The following GPR39 variants were observed in gnomAD, a reference collection of about 807,000 sequenced individuals.
GPR39 encodes zinc sensing receptor.
In GPR39, 23 loss-of-function variants were observed where a neutral mutation model predicts 18.4. That is an observed-to-expected ratio of 1.25 (90% confidence interval 0.90 to 1.77). GPR39 has a LOEUF of 1.77. Ranked by LOEUF, GPR39 falls within the 40% of genes most tolerant of loss-of-function variation. The pLI is 0.00. For missense variants in GPR39, 647 were observed against 602.4 expected (o/e 1.07, Z -0.78); for synonymous variants, 280 against 257.9 (o/e 1.09, Z -0.82).
At chr2:132,510,881 T>C (rs749276097) in intron 1 of GPR39, among the ~76,000 whole-genome samples, 1 of 152,214 alleles carries the variant, frequency 6.6e-6, no homozygotes, top group Non-Finnish European at 1.5e-5. Context: ...GTACGTAGTA[T>C]ATAAGGATAG....
chr2:132,637,767 C>T (rs78173013), intron 1 of GPR39, among the ~76,000 whole-genome samples: 5,046 of 152,270 alleles, frequency 0.033, 254 homozygotes, highest in African/African-American at 0.12. Context: ...CAACTGCATC[C>T]CATCCATGCC....
chr2:132,460,587 C>T (rs1680813026), intron 1 of GPR39, among the ~76,000 whole-genome samples: 1 of 152,082 alleles, frequency 6.6e-6, no homozygotes, highest in Non-Finnish European at 1.5e-5. Flanking sequence ...GTAGGAGACT[C>T]AGTGGAACAA....
intron 1 of GPR39, among the ~76,000 whole-genome samples, chr2:132,430,372 G>T (rs1680203902): frequency 6.6e-6 from 1 of 152,184 alleles, no homozygotes; most frequent in South Asian, 2.1e-4. Context: ...AGGCAGGCTG[G>T]GGGTGGCTGG....
At position 132,646,022 on chromosome 2, in the gene GPR39, A is replaced by G; in HGVS notation, c.*416A>G. The G allele has an allele frequency of 6.7e-7, 1 of 1,499,232 alleles. No individual in the cohort carries two copies. Among genetic ancestry groups the G allele is most frequent in the Non-Finnish European group, 9.0e-7 (1 of 1,112,888 alleles). 92.9% of individuals were successfully genotyped at this position (1,499,232 alleles called of 1,614,324 possible). A position where few individuals can be genotyped will look rare whatever the true frequency, so the allele number is the denominator to read the frequency against. On this transcript the variant is annotated 3_prime_UTR_variant, in exon 2 of 2. Transcript: ENST00000329321. ...GCGAGGGCTGGAAGAACAATGCAGG[A>G]GGGGGTGGCATCTCCTTCAGCTTCA...
intron 1 of GPR39, among the ~76,000 whole-genome samples, chr2:132,534,710 A>G (rs959412573): frequency 6.6e-6 from 1 of 151,992 alleles, no homozygotes; most frequent in African/African-American, 2.4e-5. Flanking sequence ...GAAGCTGGAA[A>G]CCATCATTCT....
chr2:132,591,271 AAAAAAAC>A (rs1180004510), intron 1 of GPR39, among the ~76,000 whole-genome samples: 1 of 122,800 alleles, frequency 8.1e-6, no homozygotes, highest in Non-Finnish European at 1.6e-5. Context: ...AAAAAAAAAA[AAAAAAAC>A]AAAAAAAAAC....
At chr2:132,606,906 A>G (rs1235163202) in intron 1 of GPR39, among the ~76,000 whole-genome samples, 3 of 152,170 alleles carry the variant, frequency 2.0e-5, no homozygotes, top group Admixed American at 6.5e-5. Context: ...GCCCCTAACC[A>G]AGGGAGAAGT....
intron 1 of GPR39, among the ~76,000 whole-genome samples, chr2:132,585,953 T>TTTTG (rs1680719885): frequency 7.3e-6 from 1 of 136,988 alleles, no homozygotes; most frequent in Non-Finnish European, 1.6e-5. Flanking sequence ...CCCCGGTTTT[T>TTTTG]TTTTTTTTTT....
chr2:132,436,475 T>C (rs1172902450), intron 1 of GPR39, among the ~76,000 whole-genome samples: 1 of 152,160 alleles, frequency 6.6e-6, no homozygotes, highest in Non-Finnish European at 1.5e-5. Flanking sequence ...TGAGGCCCAT[T>C]AAAACTCGAG....
At chr2:132,532,695 G>A (rs1387806266) in intron 1 of GPR39, among the ~76,000 whole-genome samples, 2 of 152,134 alleles carry the variant, frequency 1.3e-5, no homozygotes, top group African/African-American at 2.4e-5. Context: ...TTCAACATAC[G>A]AAAATCAATA....
At chr2:132,534,241 T>C (rs982041794) in intron 1 of GPR39, among the ~76,000 whole-genome samples, 18 of 151,970 alleles carry the variant, frequency 1.2e-4, no homozygotes, top group African/African-American at 3.4e-4. Flanking sequence ...TGAAAAAATG[T>C]TCATCATCAC....
chr2:132,614,143 A>G (rs965554365), intron 1 of GPR39, among the ~76,000 whole-genome samples: 3 of 149,920 alleles, frequency 2.0e-5, no homozygotes, highest in Non-Finnish European at 3.0e-5. Context: ...TTCTCCATCC[A>G]TCCAGAATTG....
At chr2:132,587,830 C>A (rs2104828943) in intron 1 of GPR39, among the ~76,000 whole-genome samples, 1 of 152,352 alleles carries the variant, frequency 6.6e-6, no homozygotes, top group East Asian at 1.9e-4. Context: ...CCACTGCGCC[C>A]AGCCTAGATT....
intron 1 of GPR39, among the ~76,000 whole-genome samples, chr2:132,541,085 A>G (rs529709033): frequency 1.1e-4 from 16 of 151,498 alleles, no homozygotes; most frequent in African/African-American, 3.1e-4. Flanking sequence ...TCTTCTTATT[A>G]TTGTTATTAT....
chr2:132,615,711 G>A (rs968837607), intron 1 of GPR39, among the ~76,000 whole-genome samples: 3 of 152,288 alleles, frequency 2.0e-5, no homozygotes, highest in African/African-American at 7.2e-5. Flanking sequence ...TCTCCCTTTA[G>A]CCGTATTTAT....
At chr2:132,530,693 C>A (rs1189417366) in intron 1 of GPR39, among the ~76,000 whole-genome samples, 1 of 152,170 alleles carries the variant, frequency 6.6e-6, no homozygotes, top group Non-Finnish European at 1.5e-5. Flanking sequence ...AGTGGGGGCT[C>A]ATATTCAACA....
chr2:132,626,407 G>A (rs1047631124), intron 1 of GPR39, among the ~76,000 whole-genome samples: 4 of 152,182 alleles, frequency 2.6e-5, no homozygotes, highest in Non-Finnish European at 4.4e-5. Flanking sequence ...TCACATTGGC[G>A]AGATAATAAG....
chr2:132,583,556 C>T (rs138156108), intron 1 of GPR39, among the ~76,000 whole-genome samples: 174 of 152,016 alleles, frequency 1.1e-3, no homozygotes, highest in African/African-American at 4.0e-3. Context: ...GTCTCAGGGA[C>T]ATTTCAGTTA....
intron 1 of GPR39, among the ~76,000 whole-genome samples, chr2:132,524,596 A>T (rs764091668): frequency 3.4e-4 from 51 of 152,160 alleles, no homozygotes; most frequent in African/African-American, 7.7e-4. Flanking sequence ...CTGCTACATG[A>T]TGCTGTCAGC....
Sources: allele counts gnomAD v4.1 joint callset (sites outside exome capture counted in the v4.1 genomes callset), GRCh38; gene constraint gnomAD v4.1.1; transcripts MANE v1.5; gene names NCBI Gene and HGNC (gene_info 2026-07-23, HGNC 2026-07-21).